APPL2: variants seen among roughly 807,000 people sequenced by gnomAD.
The protein encoded by APPL2 is adaptor protein, phosphotyrosine interacting with PH domain and leucine zipper 2.
In APPL2, 84 loss-of-function variants were observed where a neutral mutation model predicts 92.7. That is an observed-to-expected ratio of 0.91 (90% confidence interval 0.76 to 1.09). APPL2 has a LOEUF of 1.09. Ranked by LOEUF, APPL2 falls within the 50% of genes least tolerant of loss-of-function variation. The pLI is 0.00. For missense variants in APPL2, 736 were observed against 824.5 expected, an observed-to-expected ratio of 0.89 and a Z score of 1.31; for synonymous variants, 291 against 291.0, an observed-to-expected ratio of 1.00 and a Z score of 0.00.
Position 105,189,808 on chromosome 12 carries a change from C to T in APPL2, c.1423G>A (p.Gly475Ser). Residue 475 changes from glycine to serine, a missense_variant, in exon 16 of 21, where the codon GGT becomes AGT. Transcript: ENST00000258530. ...GGAAATGATTCATCCTCAGTTTCAC[C>T]AAAAGGGTTGGTACGCCTAGGGGAA... The part of the protein sequence containing the change: ...NRGSRRTNPF[G>S]ETEDESFPEA... 3 of 1,614,140 alleles carry T rather than the reference C, an allele frequency of 1.9e-6. 1 individual carries two copies. The South Asian group carries it at 3.3e-5, about 18-fold the overall frequency.
intron 14 of APPL2, among the ~76,000 whole-genome samples, chr12:105,192,467 C>T (rs371793583): frequency 6.6e-6 from 1 of 151,636 alleles, no homozygotes; most frequent in Middle Eastern, 3.4e-3. Flanking sequence ...CCTCCCTCCC[C>T]ACCCGCCCTC....
At chr12:105,174,827 TGC>T (rs1232423836) in intron 20 of APPL2, among the ~76,000 whole-genome samples, 1 of 148,460 alleles carries the variant, frequency 6.7e-6, no homozygotes, top group Non-Finnish European at 1.5e-5. Flanking sequence ...GGAAAACAGC[TGC>T]GGCCATTTAT....
At chr12:105,186,621 A>ATATGATATT in intron 17 of APPL2, among the ~76,000 whole-genome samples, 1 of 98,904 alleles carries the variant, frequency 1.0e-5, no homozygotes, top group Non-Finnish European at 1.8e-5. Context: ...TATATCATAT[A>ATATGATATT]TATATCATAT....
In APPL2 at chr12:105,174,356, A is replaced by G. The variant is rs138241205; in HGVS notation, c.1953T>C (p.Asp651=). The change falls in exon 21 of 21, where the codon GAT becomes GAC. Residue 651 remains aspartate, a synonymous_variant. Transcript: ENST00000258530. ...VLLNDQPDDD[D]GNPNEHRGAE... ...CGCCTCTATGTTCGTTTGGATTTCC[A>G]TCATCGTCATCTGGTTGATCGTTTA... 4 of 1,613,938 alleles carry G rather than the reference A, an allele frequency of 2.5e-6. No homozygotes were observed. The highest frequency in any genetic ancestry group is 2.7e-5 in the African/African-American group (2 of 74,922).
chr12:105,195,151 C>T, intron 14 of APPL2, 110 bp downstream of exon 14: 1 of 1,073,000 alleles, frequency 9.3e-7, no homozygotes, highest in South Asian at 1.4e-5. Flanking sequence ...TTCTGTTAAA[C>T]AGGCTGAAAA....
intron 9 of APPL2, among the ~76,000 whole-genome samples, chr12:105,200,980 C>T (rs938870573): frequency 7.2e-5 from 11 of 152,140 alleles, no homozygotes; most frequent in African/African-American, 2.4e-4. Context: ...ATGATCTTCG[C>T]TCACTACAAC....
chr12:105,208,270 T>C (rs1888921613), intron 5 of APPL2, 71 bp from the exon 6 acceptor site: 8 of 1,564,076 alleles, frequency 5.1e-6, no homozygotes, highest in Non-Finnish European at 7.0e-6. Flanking sequence ...CTCTGCACTT[T>C]CCCCTGAAAA....
At chr12:105,199,343 A>G (rs1887939868) in intron 10 of APPL2, 30 bp downstream of exon 10, 4 of 1,596,170 alleles carry the variant, frequency 2.5e-6, no homozygotes, top group African/African-American at 2.7e-5. Context: ...AACGGATTTC[A>G]GAAAAAGAGG....
chr12:105,197,566 G>A (rs1887770302), intron 11 of APPL2, among the ~76,000 whole-genome samples, 199 bp downstream of exon 11: 1 of 152,186 alleles, frequency 6.6e-6, no homozygotes, highest in Non-Finnish European at 1.5e-5. Context: ...CTCCATATGG[G>A]ATAAGGCAGG....
intron 1 of APPL2, among the ~76,000 whole-genome samples, chr12:105,232,566 A>C (rs1891000977): frequency 6.6e-6 from 1 of 152,100 alleles, no homozygotes; most frequent in African/African-American, 2.4e-5. Context: ...GGAGTTCAAG[A>C]CCACCCTGGG....
At chr12:105,233,175 C>T (rs761196287) in intron 1 of APPL2, 122 of 985,380 alleles carry the variant, frequency 1.2e-4, no homozygotes, top group Non-Finnish European at 1.4e-4. Context: ...AGGATTCACA[C>T]TGTACTGGAA....
At chr12:105,218,384 C>T (rs1359611335) in intron 2 of APPL2, among the ~76,000 whole-genome samples, 1 of 152,198 alleles carries the variant, frequency 6.6e-6, no homozygotes, top group Non-Finnish European at 1.5e-5. Context: ...TCCCTGTCCT[C>T]ATGGGGCTTT....
chr12:105,195,336 T>C lies in APPL2; in HGVS notation c.1166A>G (p.Lys389Arg). Residue 389 changes from lysine (K) to arginine (R), a missense_variant, in exon 14 of 21, where the codon AAG (lysine) becomes AGG (arginine). Coordinates refer to ENST00000258530, the MANE Select transcript of APPL2 (RefSeq NM_018171.5). ...TGCTTGCAGAGCGGTCTGATTCAAC[T>C]TGATCGCGACTGCCTAAAAATCCAC... is the stretch of plus-strand genomic sequence containing the variant. ...LTDNPEAVAI[K>R]LNQTALQAVT... The C allele has an allele frequency of 1.2e-6, 2 of 1,614,202 alleles. No individual in the cohort carries two copies. Among genetic ancestry groups the C allele is most frequent in the Non-Finnish European group, 1.7e-6 (2 of 1,180,022 alleles).
At chr12:105,210,933 C>T (rs970977277) in intron 5 of APPL2, among the ~76,000 whole-genome samples, 9 of 152,124 alleles carry the variant, frequency 5.9e-5, no homozygotes, top group African/African-American at 2.2e-4. Context: ...TTCAGGAAGC[C>T]GTCCCTAGCA....
At chr12:105,209,759 C>A (rs7302842) in intron 5 of APPL2, among the ~76,000 whole-genome samples, 20,000 of 152,148 alleles carry the variant, frequency 0.13, 1,521 homozygotes, top group African/African-American at 0.22. Context: ...ATGAGCAACA[C>A]TAAAAAGCAC....
chr12:105,174,538 C>T, intron 20 of APPL2, 90 bp from the exon 21 acceptor site: 1 of 1,400,876 alleles, frequency 7.1e-7, no homozygotes, highest in Non-Finnish European at 9.6e-7. Context: ...GTTCTGTAAT[C>T]TAGTCTTGTT....
intron 16 of APPL2, among the ~76,000 whole-genome samples, chr12:105,188,755 T>C (rs913328877): frequency 3.9e-5 from 6 of 152,220 alleles, no homozygotes; most frequent in African/African-American, 1.4e-4. Context: ...CATTGTACCT[T>C]TTCTCTGAAA....
rs569526483 is a variant in APPL2 at position 105,196,418 on chromosome 12, G to A, written c.1053-791C>T. ...AATACTGCCCTACCTTTGTGGAGGC[G>A]TTAACTCTTTTTTTTTTTTTTTTTT... is the stretch of plus-strand genomic sequence containing the variant. On this transcript the variant is annotated intron_variant, in intron 11 of 20. Coordinates refer to ENST00000258530, the MANE Select transcript of APPL2 (RefSeq NM_018171.5). Among the ~76,000 whole-genome samples, 24 of 143,636 alleles carry A rather than the reference G, an allele frequency of 1.7e-4. No homozygotes were observed. The East Asian group carries it at 4.8e-3, about 29-fold the overall frequency. The allele number at this position is 143,636 out of a possible 152,430, so 94.2% of individuals were successfully genotyped here. A position where few individuals can be genotyped will look rare whatever the true frequency, so the allele number is the denominator to read the frequency against.
intron 17 of APPL2, among the ~76,000 whole-genome samples, chr12:105,182,456 T>C (rs1886203009): frequency 6.6e-6 from 1 of 152,270 alleles, no homozygotes; most frequent in Admixed American, 6.5e-5. Context: ...GTTGTGTCCT[T>C]GTTCTCATTG....
Sources: gnomAD v4.1 joint callset for allele counts (sites outside exome capture counted in the v4.1 genomes callset) on GRCh38, gnomAD v4.1.1 for gene constraint, MANE v1.5 for transcripts, NCBI Gene and HGNC (gene_info 2026-07-23, HGNC 2026-07-21) for gene names.